CDH10: variants seen among roughly 807,000 people sequenced by gnomAD.
CDH10 encodes cadherin 10.
A neutral mutation model predicts 73.1 loss-of-function variants in CDH10; 30 were observed. That is an observed-to-expected ratio of 0.41 (90% CI 0.31 to 0.56). The LOEUF (loss-of-function observed/expected upper bound fraction) is 0.56. Among genes scored for constraint, CDH10 ranks in the 20% least tolerant of loss-of-function variants. The pLI, the probability that CDH10 is intolerant of heterozygous loss-of-function variation, is 0.27. For synonymous variants in CDH10, 345 were observed against 348.2 expected (o/e 0.99, Z 0.10); for missense variants, 815 against 973.7 (o/e 0.84, Z 2.17).
chr5:24,572,615 C>G lies in CDH10; in HGVS notation c.231+20645G>C, dbSNP rs555213153. ...GGCTGATGGCAGGGGCATAGTGGAT[C>G]AGTTCTGGCAGAAAAATAGCAAGGT... On this transcript the variant is annotated intron_variant, in intron 2 of 11. Coordinates refer to ENST00000264463, the MANE Select transcript of CDH10 (RefSeq NM_006727.5). Among the ~76,000 whole-genome samples the G allele has an allele frequency of 1.5e-4, 22 of 150,296 alleles. No homozygotes were observed. In the East Asian group the frequency reaches 2.4e-3, roughly 16 times the overall value.
intron 2 of CDH10, chr5:24,553,901 G>C (rs1744644865): frequency 6.7e-6 from 1 of 148,692 alleles, no homozygotes. Context: ...TTGAACACTT[G>C]TACTACCACT....
intron 2 of CDH10, among the ~76,000 whole-genome samples, chr5:24,580,219 T>A (rs1727456850): frequency 6.6e-6 from 1 of 152,118 alleles, no homozygotes. Flanking sequence ...GTCATGGGGG[T>A]TTGTTATACA....
intron 1 of CDH10, among the ~76,000 whole-genome samples, chr5:24,630,746 G>C (rs1747676927): frequency 6.6e-6 from 1 of 151,906 alleles, no homozygotes; most frequent in African/African-American, 2.4e-5. Context: ...TCAATATCAT[G>C]AGGCAAATTA....
At chr5:24,583,469 C>T (rs1329916860) in intron 2 of CDH10, among the ~76,000 whole-genome samples, 1 of 151,912 alleles carries the variant, frequency 6.6e-6, no homozygotes, top group African/African-American at 2.4e-5. Context: ...CACATAATGG[C>T]TATGAAAATT....
At position 24,487,840 on chromosome 5, in the gene CDH10, G is replaced by A. The variant is rs542487965; in HGVS notation, c.2190C>T (p.Tyr730=). ...EHDLDPTAPP[Y]DSLATYAYEG... The stretch of plus-strand genomic sequence containing the variant: ...CATAGGCATAGGTTGCAAGTGAGTC[G>A]TAGGGGGGTGCGGTGGGGTCAAGAT... Residue 730 remains tyrosine, a synonymous_variant, in exon 12 of 12, where the codon TAC becomes TAT. Coordinates refer to ENST00000264463, the MANE Select transcript of CDH10 (RefSeq NM_006727.5). 5.6e-6 allele frequency: 9 copies of A among 1,613,870 alleles called. No homozygotes were observed. The highest frequency in any genetic ancestry group is 2.2e-5 in the South Asian group (2 of 91,058).
intron 2 of CDH10, among the ~76,000 whole-genome samples, chr5:24,571,937 C>A (rs1049554631): frequency 2.0e-5 from 3 of 151,008 alleles, no homozygotes; most frequent in Non-Finnish European, 4.4e-5. Flanking sequence ...CACACCATTG[C>A]TATGTATGTT....
chr5:24,631,149 C>T (rs1747692137), intron 1 of CDH10, among the ~76,000 whole-genome samples: 1 of 152,128 alleles, frequency 6.6e-6, no homozygotes, highest in Non-Finnish European at 1.5e-5. Flanking sequence ...GTGAGTAACA[C>T]AAAGTGTCAC....
chr5:24,643,799 C>T (rs1421249575), intron 1 of CDH10, among the ~76,000 whole-genome samples: 1 of 152,076 alleles, frequency 6.6e-6, no homozygotes, highest in African/African-American at 2.4e-5. Context: ...ACTGCTTTTG[C>T]CCATAGTTAC....
intron 2 of CDH10, among the ~76,000 whole-genome samples, chr5:24,542,763 G>T (rs1215065813): frequency 6.6e-6 from 1 of 152,162 alleles, no homozygotes; most frequent in Non-Finnish European, 1.5e-5. Flanking sequence ...CCTCTTTCTG[G>T]TTTATAGATG....
chr5:24,491,939 G>T, intron 10 of CDH10, 112 bp from the exon 11 acceptor site: 1 of 637,478 alleles, frequency 1.6e-6, no homozygotes, highest in Non-Finnish European at 2.6e-6. Context: ...ATATAAAATT[G>T]ATATACATTT....
At chr5:24,499,885 G>A (rs549050923) in intron 8 of CDH10, among the ~76,000 whole-genome samples, 1 of 152,114 alleles carries the variant, frequency 6.6e-6, no homozygotes, top group African/African-American at 2.4e-5. Flanking sequence ...ACATTCATCA[G>A]ATTTTATGAT....
chr5:24,501,001 A>G (rs942716652), intron 8 of CDH10, among the ~76,000 whole-genome samples: 2 of 152,164 alleles, frequency 1.3e-5, no homozygotes, highest in African/African-American at 2.4e-5. Flanking sequence ...ACCCAGAGCC[A>G]TGGGGTTCTC....
intron 2 of CDH10, among the ~76,000 whole-genome samples, chr5:24,550,522 T>C (rs1744506227): frequency 6.6e-6 from 1 of 152,320 alleles, no homozygotes; most frequent in South Asian, 2.1e-4. Context: ...CTTTAAGATA[T>C]AAAATTAAAA....
intron 8 of CDH10, among the ~76,000 whole-genome samples, chr5:24,502,328 T>C (rs912787055): frequency 6.6e-6 from 1 of 152,164 alleles, no homozygotes; most frequent in African/African-American, 2.4e-5. Flanking sequence ...TGATGTGATA[T>C]ATTTGTATGT....
At chr5:24,539,660 T>G (rs1488184257) in intron 2 of CDH10, among the ~76,000 whole-genome samples, 3 of 152,086 alleles carry the variant, frequency 2.0e-5, no homozygotes, top group South Asian at 2.1e-4. Flanking sequence ...AGTTTCTTAC[T>G]ACATTTTTAG....
chr5:24,573,985 C>A (rs1043386352), intron 2 of CDH10, among the ~76,000 whole-genome samples: 27 of 151,400 alleles, frequency 1.8e-4, no homozygotes, highest in Non-Finnish European at 3.8e-4. Flanking sequence ...CCCGGGTTCA[C>A]GCCATTCTCC....
chr5:24,554,029 A>C (rs1257565402), intron 2 of CDH10: 2 of 148,044 alleles, frequency 1.4e-5, no homozygotes, highest in African/African-American at 5.0e-5. Context: ...GGACAGAGTG[A>C]GAGTGAGAGC....
rs1484835980 is a variant in CDH10 at position 24,554,105 on chromosome 5, G to GA, written c.232-16432_232-16431insT. 4.9e-3 allele frequency: 26 copies of GA among 5,328 alleles called. 1 individual carries two copies. Among genetic ancestry groups the GA allele is most frequent in the Admixed American group, 9.0e-3 (3 of 334 alleles). 0.3% of individuals were successfully genotyped at this position (5,328 alleles called of 1,614,324 possible). A position where few individuals can be genotyped will look rare whatever the true frequency, so the allele number is the denominator to read the frequency against. The stretch of plus-strand genomic sequence containing the variant: ...AGAGACAGAGAGAGAGAGAAGGGGA[G>GA]GTGGGCGGGGGGGGGAGAGAGAGAG... On this transcript the variant is annotated intron_variant, in intron 2 of 11. Transcript: ENST00000264463.
chr5:24,540,635 TAA>T (rs956416907), intron 2 of CDH10, among the ~76,000 whole-genome samples: 1 of 151,842 alleles, frequency 6.6e-6, no homozygotes, highest in Admixed American at 6.6e-5. Context: ...GGAATATAAT[TAA>T]GAGAAGCAAA....
Sources: gnomAD v4.1 joint callset for allele counts (sites outside exome capture counted in the v4.1 genomes callset) on GRCh38, gnomAD v4.1.1 for gene constraint, MANE v1.5 for transcripts, NCBI Gene and HGNC (gene_info 2026-07-23, HGNC 2026-07-21) for gene names.